LAMA2: variants seen among roughly 807,000 people sequenced by gnomAD.
LAMA2 encodes the protein laminin subunit alpha-2.
Under a neutral mutation model 364.8 loss-of-function variants are expected in LAMA2, and 269 were observed. The ratio of observed to expected loss-of-function variants is 0.74; its 90% confidence interval spans 0.67 to 0.82. LAMA2 has a LOEUF of 0.82. LAMA2 is among the 40% of genes least tolerant of loss of function. The pLI is 0.00. For missense variants in LAMA2, 3,807 were observed against 3,873.2 expected, an observed-to-expected ratio of 0.98 and a Z score of 0.45; for synonymous variants, 1,379 against 1,370.6, an observed-to-expected ratio of 1.01 and a Z score of -0.14.
intron 41 of LAMA2, among the ~76,000 whole-genome samples, chr6:129,430,139 A>G (rs888605917): frequency 1.3e-5 from 2 of 152,214 alleles, no homozygotes; most frequent in African/African-American, 4.8e-5. Flanking sequence ...CGGAGGTTAT[A>G]AAATGGCTGT....
chr6:128,889,009 A>G (rs1776299431), intron 1 of LAMA2, among the ~76,000 whole-genome samples: 1 of 152,162 alleles, frequency 6.6e-6, no homozygotes, highest in South Asian at 2.1e-4. Flanking sequence ...TGAAGCTCAG[A>G]TGTGTCTTTG....
chr6:129,092,175 C>T (rs970203437), intron 3 of LAMA2, among the ~76,000 whole-genome samples: 1 of 152,214 alleles, frequency 6.6e-6, no homozygotes. Flanking sequence ...CAGCAACTCA[C>T]CACAGACCTT....
chr6:129,332,071 A>G (rs1775688989), intron 29 of LAMA2, among the ~76,000 whole-genome samples: 1 of 152,176 alleles, frequency 6.6e-6, no homozygotes, highest in African/African-American at 2.4e-5. Context: ...CTCTAACTAC[A>G]TTCATTCAGA....
intron 4 of LAMA2, among the ~76,000 whole-genome samples, chr6:129,112,922 A>G (rs1776241193): frequency 6.6e-6 from 1 of 152,058 alleles, no homozygotes. Flanking sequence ...CAGTTTCAGG[A>G]TGAGAAAATT....
chr6:129,020,711 G>A (rs1785400109), intron 1 of LAMA2, among the ~76,000 whole-genome samples: 1 of 152,164 alleles, frequency 6.6e-6, no homozygotes, highest in African/African-American at 2.4e-5. Flanking sequence ...AGATTCCAGG[G>A]AAGGGGTTCA....
At position 128,983,079 on chromosome 6, in the gene LAMA2, G is replaced by A. The variant is rs540040425; in HGVS notation, c.113-66839G>A. 3.3e-4 allele frequency among the ~76,000 whole-genome samples: 50 copies of A among 151,964 alleles called. No homozygotes were observed. The South Asian group carries it at 9.6e-3, about 29-fold the overall frequency. ...ATAGTGCCGCAATAAACATACGTGT[G>A]CATGTGTCTTTATAGCAGCATGATT... On this transcript the variant is annotated intron_variant, in intron 1 of 64. Transcript: ENST00000421865.
intron 1 of LAMA2, among the ~76,000 whole-genome samples, chr6:128,953,569 G>A (rs758020656): frequency 2.6e-5 from 4 of 151,284 alleles, no homozygotes; most frequent in Non-Finnish European, 4.4e-5. Context: ...ATGTATATTT[G>A]TGCATTTAAA....
intron 12 of LAMA2, among the ~76,000 whole-genome samples, chr6:129,209,145 G>T (rs1782917826): frequency 6.6e-6 from 1 of 152,192 alleles, no homozygotes; most frequent in South Asian, 2.1e-4. Context: ...GTAGGGAGGT[G>T]GTGTTCTTAT....
chr6:129,158,310 C>A (rs1779246581), intron 8 of LAMA2: 8 of 1,613,928 alleles, frequency 5.0e-6, no homozygotes, highest in Non-Finnish European at 6.8e-6. Flanking sequence ...TTCTCGAAAC[C>A]AGCTGGCTTC....
At chr6:129,480,862 A>C (rs962837143) in intron 54 of LAMA2, among the ~76,000 whole-genome samples, 1 of 152,166 alleles carries the variant, frequency 6.6e-6, no homozygotes, top group Non-Finnish European at 1.5e-5. Flanking sequence ...TTTATTCAAG[A>C]GATATTCGTT....
intron 40 of LAMA2, among the ~76,000 whole-genome samples, chr6:129,425,483 T>C (rs1781282725): frequency 6.6e-6 from 1 of 152,042 alleles, no homozygotes; most frequent in African/African-American, 2.4e-5. Context: ...GTTTTTTATA[T>C]AGGTAAACTC....
intron 58 of LAMA2, among the ~76,000 whole-genome samples, chr6:129,494,448 G>A (rs756748872): frequency 7.9e-5 from 12 of 152,096 alleles, no homozygotes; most frequent in African/African-American, 1.2e-4. Context: ...TAATGTATGC[G>A]GAAGTTATCT....
At chr6:129,055,165 C>CTTT (rs1788381249) in intron 2 of LAMA2, among the ~76,000 whole-genome samples, 1 of 32,600 alleles carries the variant, frequency 3.1e-5, no homozygotes, top group South Asian at 1.2e-3. Context: ...ATTTACTTTA[C>CTTT]ATTATTATTA....
At chr6:129,502,843 G>T in intron 59 of LAMA2, 72 bp downstream of exon 59, 2 of 993,746 alleles carry the variant, frequency 2.0e-6, no homozygotes, top group South Asian at 1.3e-5. Context: ...TAATCAAGTT[G>T]AATCTACTAC....
intron 1 of LAMA2, among the ~76,000 whole-genome samples, chr6:129,024,143 A>G (rs936799836): frequency 6.6e-6 from 1 of 152,204 alleles, no homozygotes; most frequent in African/African-American, 2.4e-5. Flanking sequence ...TTGTATTAAA[A>G]GCAGCATGAC....
At chr6:128,950,303 G>T (rs1370957360) in intron 1 of LAMA2, among the ~76,000 whole-genome samples, 3 of 152,126 alleles carry the variant, frequency 2.0e-5, no homozygotes, top group Non-Finnish European at 4.4e-5. Flanking sequence ...TATGTTCAAA[G>T]CAGAAGGGTA....
At chr6:129,077,141 T>A (rs1773714727) in intron 3 of LAMA2, among the ~76,000 whole-genome samples, 1 of 152,166 alleles carries the variant, frequency 6.6e-6, no homozygotes, top group Non-Finnish European at 1.5e-5. Flanking sequence ...ATTCACGTAA[T>A]AATATTTAAA....
intron 41 of LAMA2, among the ~76,000 whole-genome samples, chr6:129,432,831 T>A (rs1702757211): frequency 6.6e-6 from 1 of 152,174 alleles, no homozygotes; most frequent in Non-Finnish European, 1.5e-5. Context: ...TATCCCAATA[T>A]CCTGAATCTT....
chr6:129,379,264 C>T (rs2114646225), intron 34 of LAMA2, among the ~76,000 whole-genome samples: 1 of 151,136 alleles, frequency 6.6e-6, no homozygotes, highest in Non-Finnish European at 1.5e-5. Flanking sequence ...AACTTATGGG[C>T]ACTGGGCTTA....
Sources: allele counts gnomAD v4.1 joint callset (sites outside exome capture counted in the v4.1 genomes callset), GRCh38; gene constraint gnomAD v4.1.1; transcripts MANE v1.5; gene names NCBI Gene and HGNC (gene_info 2026-07-23, HGNC 2026-07-21).